The following APOD variants were observed in gnomAD, a reference collection of about 807,000 sequenced individuals.
The protein encoded by APOD is apolipoprotein D.
APOD carries 22 observed loss-of-function variants against 20.4 expected under a neutral mutation model. The observed-to-expected ratio is 1.08, with a 90% CI of 0.77 to 1.54. APOD has a LOEUF of 1.54. APOD is among the 40% of genes most tolerant of loss of function. The pLI is 0.00. For synonymous variants in APOD, 97 were observed against 92.4 expected, an observed-to-expected ratio of 1.05 and a Z score of -0.29; for missense variants, 223 against 229.6, an observed-to-expected ratio of 0.97 and a Z score of 0.19.
At chr3:195,573,295 G>A (rs771396577) in intron 3 of APOD, among the ~76,000 whole-genome samples, 34 of 152,332 alleles carry the variant, frequency 2.2e-4, no homozygotes, top group East Asian at 7.7e-4. Flanking sequence ...TTTCCAAAGC[G>A]TAGCTTTTTG....
At chr3:195,573,242 A>G (rs1720195936) in intron 3 of APOD, among the ~76,000 whole-genome samples, 1 of 152,228 alleles carries the variant, frequency 6.6e-6, no homozygotes, top group African/African-American at 2.4e-5. Context: ...GAAGGTGGGT[A>G]GGAAGGAGCT....
chr3:195,569,838 C>G (rs1720130007), intron 4 of APOD, among the ~76,000 whole-genome samples: 1 of 106,450 alleles, frequency 9.4e-6, no homozygotes, highest in African/African-American at 3.6e-5. Context: ...TCACTCTTGT[C>G]GCCCAGGCTG....
rs950212281 is a variant in APOD at position 195,568,936 on chromosome 3, C to T, written c.534G>A (p.Thr178=). The T allele has an allele frequency of 6.8e-6, 11 of 1,613,750 alleles. No homozygotes were observed. In the East Asian group the frequency reaches 8.9e-5, roughly 13 times the overall value. Residue 178 remains threonine (T), a synonymous_variant, in exon 5 of 5, where the codon ACG becomes ACA. Transcript: ENST00000343267. The part of the protein sequence containing the change: ...TSNNIDVKKM[T]VTDQVNCPKL... ...TGGGGCAGTTCACCTGGTCTGTGAC[C>T]GTCATTTTCTTGACATCAATGTTAT...
At chr3:195,572,589 C>A (rs1432034766) in intron 3 of APOD, among the ~76,000 whole-genome samples, 2 of 152,164 alleles carry the variant, frequency 1.3e-5, no homozygotes, top group South Asian at 2.1e-4. Context: ...ATGGAGGCAC[C>A]AAAGGGAGGG....
rs1371675267 is a variant in APOD at position 195,568,779 on chromosome 3, G to C, written c.*121C>G. 4.2e-6 allele frequency: 3 copies of C among 722,556 alleles called. No homozygotes were observed. The highest frequency in any genetic ancestry group is 7.2e-6 in the Non-Finnish European group (3 of 415,550). 44.8% of individuals were successfully genotyped at this position (722,556 alleles called of 1,614,324 possible). A position where few individuals can be genotyped will look rare whatever the true frequency, so the allele number is the denominator to read the frequency against. On this transcript the variant is annotated 3_prime_UTR_variant, in exon 5 of 5. Coordinates refer to ENST00000343267, the MANE Select transcript of APOD (RefSeq NM_001647.4). ...CTAGCAAGGTAACAGGGTAGGGCAT[G>C]GTTACATGTTCAGGTCAACTTCCTT...
intron 1 of APOD, among the ~76,000 whole-genome samples, chr3:195,581,393 CCATTTTAAAGAGATCTTGAATTCTA>C (rs1187615880): frequency 1.3e-5 from 2 of 152,208 alleles, no homozygotes; most frequent in Non-Finnish European, 1.5e-5. Context: ...AAATTTGCAT[CCATTTTAAAGAGATCTTGAATTCTA>C]CTTAGTAGGC....
chr3:195,568,719 G>C lies in APOD; in HGVS notation c.*181C>G, dbSNP rs987716059. On this transcript the variant is annotated 3_prime_UTR_variant, in exon 5 of 5. Coordinates refer to ENST00000343267, the MANE Select transcript of APOD (RefSeq NM_001647.4). ...ATTAATCCAACTTGGAATCTACTGC[G>C]AGCACAGCAGGTCAGCAACAAGTTT... 8.3e-6 allele frequency: 5 copies of C among 601,002 alleles called. No individual in the cohort carries two copies. The highest frequency in any genetic ancestry group is 1.5e-5 in the Non-Finnish European group (5 of 336,564). 37.2% of individuals were successfully genotyped at this position (601,002 alleles called of 1,614,324 possible).
intron 1 of APOD, chr3:195,582,494 A>G (rs1211108151): frequency 2.6e-5 from 4 of 152,222 alleles, no homozygotes; most frequent in African/African-American, 7.2e-5. Flanking sequence ...TAATCCCAAC[A>G]CTTTGGGAGG....
At chr3:195,572,728 T>G (rs1720183021) in intron 3 of APOD, among the ~76,000 whole-genome samples, 1 of 151,978 alleles carries the variant, frequency 6.6e-6, no homozygotes, top group Non-Finnish European at 1.5e-5. Context: ...AGTCAGTAGG[T>G]TGGCCGGGCG....
chr3:195,573,027 C>G (rs1720192374), intron 3 of APOD, among the ~76,000 whole-genome samples: 1 of 152,188 alleles, frequency 6.6e-6, no homozygotes, highest in Non-Finnish European at 1.5e-5. Flanking sequence ...GCCCTCCTCT[C>G]TCATCTGGAT....
intron 2 of APOD, among the ~76,000 whole-genome samples, chr3:195,575,130 C>A (rs1560045754): frequency 1.3e-5 from 2 of 152,228 alleles, no homozygotes; most frequent in Non-Finnish European, 2.9e-5. Context: ...GTTCTACAGG[C>A]CGCCTACATT....
intron 2 of APOD, among the ~76,000 whole-genome samples, chr3:195,578,948 CAG>C (rs1225056241): frequency 6.6e-6 from 1 of 152,174 alleles, no homozygotes; most frequent in East Asian, 1.9e-4. Context: ...TCTCCTCTGC[CAG>C]GGGGCTCAGC....
At chr3:195,580,549 T>C (rs1720320630) in intron 1 of APOD, among the ~76,000 whole-genome samples, 1 of 151,932 alleles carries the variant, frequency 6.6e-6, no homozygotes, top group African/African-American at 2.4e-5. Flanking sequence ...GGATTACAGG[T>C]GTCCACCACA....
chr3:195,576,118 T>C (rs1310593515), intron 2 of APOD, among the ~76,000 whole-genome samples: 1 of 152,196 alleles, frequency 6.6e-6, no homozygotes, highest in African/African-American at 2.4e-5. Context: ...GAACTTAACA[T>C]TCATTTAAAG....
intron 1 of APOD, 39 bp from the exon 2 acceptor site, chr3:195,579,534 C>A (rs1186326306): frequency 6.3e-7 from 1 of 1,580,192 alleles, no homozygotes; most frequent in Non-Finnish European, 8.6e-7. Context: ...TCATTCTGAG[C>A]CTTCTAAGGC....
rs1720298314 is a variant in APOD at position 195,579,424 on chromosome 3, C to G, written c.38G>C (p.Gly13Ala). The G allele has an allele frequency of 1.2e-6, 2 of 1,613,904 alleles. No homozygotes were observed. Among genetic ancestry groups the G allele is most frequent in the Non-Finnish European group, 1.7e-6 (2 of 1,180,040 alleles). ...TTGTCCCTCTGCCGCACCGAAGAGG[C>G]CAGCCAGTGCGGAAAGCAGCAGCAG... The part of the protein sequence containing the change: ...MLLLLLSALA[G>A]LFGAAEGQAF... The change falls in exon 2 of 5, where the codon GGC becomes GCC. Residue 13 changes from glycine (G) to alanine (A), a missense_variant. Coordinates refer to ENST00000343267, the MANE Select transcript of APOD (RefSeq NM_001647.4).
At chr3:195,580,110 T>C (rs987697775) in intron 1 of APOD, among the ~76,000 whole-genome samples, 5 of 152,146 alleles carry the variant, frequency 3.3e-5, no homozygotes, top group South Asian at 4.1e-4. Context: ...CAGGTTCAAA[T>C]TGTGACTCTG....
At chr3:195,574,846 T>C (rs1475169143) in intron 2 of APOD, among the ~76,000 whole-genome samples, 2 of 152,224 alleles carry the variant, frequency 1.3e-5, no homozygotes, top group East Asian at 1.9e-4. Flanking sequence ...AAGAGTGGTA[T>C]GCAGTGATTT....
intron 2 of APOD, chr3:195,577,188 A>AG: frequency 4.7e-6 from 1 of 213,154 alleles, no homozygotes; most frequent in Non-Finnish European, 8.3e-6. Flanking sequence ...CTCCGTCTCA[A>AG]AAAAAAAAAG....
Sources: gnomAD v4.1 joint callset for allele counts (sites outside exome capture counted in the v4.1 genomes callset) on GRCh38, gnomAD v4.1.1 for gene constraint, MANE v1.5 for transcripts, NCBI Gene and HGNC (gene_info 2026-07-23, HGNC 2026-07-21) for gene names.